Variants in IFT80 observed in about 807,000 individuals in gnomAD.
IFT80 encodes the protein intraflagellar transport protein 80 homolog.
A neutral mutation model predicts 107.9 loss-of-function variants in IFT80; 79 were observed. That is an observed-to-expected ratio of 0.73 (90% CI 0.61 to 0.88). IFT80 has a LOEUF of 0.88. IFT80 is among the 40% of genes least tolerant of loss of function. The pLI is 0.00. For missense variants in IFT80, 797 were observed against 914.2 expected (o/e 0.87, Z 1.65); for synonymous variants, 299 against 300.9 (o/e 0.99, Z 0.07).
chr3:160,325,047 A>G (rs1465793250), intron 8 of IFT80, among the ~76,000 whole-genome samples: 1 of 151,232 alleles, frequency 6.6e-6, no homozygotes, highest in African/African-American at 2.4e-5. Context: ...CAAAGAGAAT[A>G]AAATACCTAG....
At chr3:160,324,420 G>C (rs1718516250) in intron 8 of IFT80, among the ~76,000 whole-genome samples, 4 of 152,026 alleles carry the variant, frequency 2.6e-5, no homozygotes, top group African/African-American at 9.7e-5. Context: ...ACATCAAAAA[G>C]CTTATCCACC....
intron 6 of IFT80, among the ~76,000 whole-genome samples, chr3:160,362,054 C>CA (rs1313118051): frequency 6.6e-6 from 1 of 151,920 alleles, no homozygotes; most frequent in Non-Finnish European, 1.5e-5. Context: ...GATAGAGACA[C>CA]AAAAAACTCT....
rs550306449 is a variant in IFT80 at position 160,350,201 on chromosome 3, G to A, written c.777+5812C>T. Among the ~76,000 whole-genome samples, 3 of 151,254 alleles carry A rather than the reference G, an allele frequency of 2.0e-5. No homozygotes were observed. In the East Asian group the frequency reaches 5.9e-4, roughly 30 times the overall value. On this transcript the variant is annotated intron_variant, in intron 8 of 19. Coordinates refer to ENST00000326448, the MANE Select transcript of IFT80 (RefSeq NM_020800.3). ...AGGCCAAGACGAACAGATCACTTGAGCTCAGGAGTTCAAGACCAGCCTGGG... is the reference window on the plus strand; with the variant it reads ...AGGCCAAGACGAACAGATCACTTGAACTCAGGAGTTCAAGACCAGCCTGGG...
intron 8 of IFT80, among the ~76,000 whole-genome samples, chr3:160,351,727 T>C (rs1403056703): frequency 7.1e-6 from 1 of 141,394 alleles, no homozygotes; most frequent in Non-Finnish European, 1.5e-5. Context: ...CATAAAAATC[T>C]AAATGATAAC....
At chr3:160,282,030 C>A (rs1269826908) in intron 14 of IFT80, among the ~76,000 whole-genome samples, 2 of 152,220 alleles carry the variant, frequency 1.3e-5, no homozygotes, top group Non-Finnish European at 2.9e-5. Context: ...GTAATCCCAG[C>A]ACTTTAAGAG....
intron 8 of IFT80, among the ~76,000 whole-genome samples, chr3:160,342,422 A>AT (rs1446630861): frequency 1.3e-5 from 2 of 152,098 alleles, no homozygotes; most frequent in Non-Finnish European, 2.9e-5. Context: ...GGAAGAGACT[A>AT]TTTTTTTCCT....
At chr3:160,396,304 G>A (rs943859355) in intron 1 of IFT80, among the ~76,000 whole-genome samples, 2 of 151,472 alleles carry the variant, frequency 1.3e-5, no homozygotes, top group African/African-American at 2.4e-5. Flanking sequence ...TATTAATCTT[G>A]AACAATATTC....
chr3:160,260,594 C>T (rs763083866), intron 19 of IFT80, among the ~76,000 whole-genome samples: 17 of 152,160 alleles, frequency 1.1e-4, no homozygotes, highest in Non-Finnish European at 1.8e-4. Context: ...TTCACTTTCG[C>T]TTTGGCATTG....
intron 3 of IFT80, 96 bp downstream of exon 3, chr3:160,381,407 A>G: frequency 1.1e-6 from 1 of 931,036 alleles, no homozygotes; most frequent in South Asian, 1.4e-5. Context: ...ATGCAGATCC[A>G]CAAATACCAG....
chr3:160,383,295 T>C (rs1712672464), intron 2 of IFT80: 1 of 191,982 alleles, frequency 5.2e-6, no homozygotes, highest in Non-Finnish European at 9.6e-6. Flanking sequence ...TCAAAATCTA[T>C]AAAATTGTGT....
At chr3:160,282,090 C>A (rs1576747458) in intron 14 of IFT80, among the ~76,000 whole-genome samples, 1 of 152,182 alleles carries the variant, frequency 6.6e-6, no homozygotes, top group Admixed American at 6.5e-5. Context: ...CCAGCCTGGG[C>A]AACATGGTGA....
intron 1 of IFT80, among the ~76,000 whole-genome samples, chr3:160,394,795 CAT>C (rs1170273304): frequency 2.0e-5 from 3 of 151,648 alleles, no homozygotes; most frequent in African/African-American, 7.3e-5. Context: ...TGAATTTGTA[CAT>C]GTTGATATAG....
intron 1 of IFT80, among the ~76,000 whole-genome samples, chr3:160,390,743 C>T (rs886501606): frequency 6.6e-6 from 1 of 152,108 alleles, no homozygotes; most frequent in East Asian, 1.9e-4. Context: ...TGTGGCCACA[C>T]AAGGCATTAA....
rs570170696 is a variant in IFT80, at chr3:160,272,701, A to C, written c.2100-4165T>G. Among the ~76,000 whole-genome samples, 18 of 152,274 alleles carry C rather than the reference A, an allele frequency of 1.2e-4. No individual in the cohort carries two copies. In the South Asian group the frequency reaches 3.5e-3, roughly 30 times the overall value. Reference sequence around the variant, plus strand: ...CTCAACTACTGTCTGTAGACTGATAATTCCTTCACTGGCTTTCCCCTCAAT... The same window carrying C: ...CTCAACTACTGTCTGTAGACTGATACTTCCTTCACTGGCTTTCCCCTCAAT... On this transcript the variant is annotated intron_variant, in intron 18 of 19. Transcript: ENST00000326448.
chr3:160,376,628 C>G (rs1054788360), intron 4 of IFT80, among the ~76,000 whole-genome samples: 26 of 152,230 alleles, frequency 1.7e-4, no homozygotes, highest in African/African-American at 6.0e-4. Context: ...TAGTGACTTG[C>G]TAAGTTAACA....
At chr3:160,302,646 A>G (rs1716528239) in intron 11 of IFT80, among the ~76,000 whole-genome samples, 1 of 152,094 alleles carries the variant, frequency 6.6e-6, no homozygotes, top group Admixed American at 6.5e-5. Flanking sequence ...TTTATAAATA[A>G]TGTATAAATG....
chr3:160,293,706 A>G (rs549141896), intron 12 of IFT80, among the ~76,000 whole-genome samples: 1 of 152,310 alleles, frequency 6.6e-6, no homozygotes, highest in Non-Finnish European at 1.5e-5. Flanking sequence ...GCCCCTAGAT[A>G]GCTTCAGGAT....
chr3:160,332,199 T>G (rs1719137503), intron 8 of IFT80, among the ~76,000 whole-genome samples: 8 of 152,170 alleles, frequency 5.3e-5, no homozygotes, highest in Admixed American at 5.2e-4. Flanking sequence ...GTATTTAAGT[T>G]AGGTTTTGTG....
chr3:160,369,118 A>C (rs1043971678), intron 5 of IFT80, among the ~76,000 whole-genome samples: 4 of 152,002 alleles, frequency 2.6e-5, no homozygotes, highest in Admixed American at 6.6e-5. Context: ...TTTGGGACAA[A>C]GAGATAATTC....
Sources: gnomAD v4.1 joint callset for allele counts (sites outside exome capture counted in the v4.1 genomes callset) on GRCh38, gnomAD v4.1.1 for gene constraint, MANE v1.5 for transcripts, NCBI Gene and HGNC (gene_info 2026-07-23, HGNC 2026-07-21) for gene names.